ME2: variants seen among roughly 807,000 people sequenced by gnomAD.
ME2 encodes the protein NAD-dependent malic enzyme, mitochondrial.
Under a neutral mutation model 73.7 loss-of-function variants are expected in ME2, and 60 were observed. The ratio of observed to expected loss-of-function variants is 0.81; its 90% CI spans 0.66 to 1.01. ME2 has a LOEUF of 1.01. Ranked by LOEUF, ME2 falls within the 50% of genes least tolerant of loss-of-function variation. The pLI is 0.00. For synonymous variants in ME2, 199 were observed against 236.9 expected (o/e 0.84, Z 1.47); for missense variants, 594 against 705.5 (o/e 0.84, Z 1.79).
chr18:50,930,905 T>C (rs922079331), intron 12 of ME2, among the ~76,000 whole-genome samples: 2 of 152,244 alleles, frequency 1.3e-5, no homozygotes, highest in African/African-American at 4.8e-5. Flanking sequence ...TAGAAAATGA[T>C]ATAACAATAT....
At chr18:50,946,115 T>TAAATAAAC (rs1451746330) in intron 15 of ME2, among the ~76,000 whole-genome samples, 1 of 150,636 alleles carries the variant, frequency 6.6e-6, no homozygotes, top group Non-Finnish European at 1.5e-5. Flanking sequence ...CCATCTTAAA[T>TAAATAAAC]AAATAAATAA....
At chr18:50,921,624 T>A (rs1917432034) in intron 10 of ME2, among the ~76,000 whole-genome samples, 1 of 152,216 alleles carries the variant, frequency 6.6e-6, no homozygotes, top group Non-Finnish European at 1.5e-5. Context: ...TCACCCAGGC[T>A]GGAGTGCAGT....
chr18:50,910,921 A>C (rs756211827), intron 3 of ME2, among the ~76,000 whole-genome samples: 2 of 152,220 alleles, frequency 1.3e-5, no homozygotes, highest in Non-Finnish European at 2.9e-5. Flanking sequence ...AAAATGAAGC[A>C]GTCAAAGAGC....
At chr18:50,897,813 C>T (rs1001591776) in intron 2 of ME2, among the ~76,000 whole-genome samples, 10 of 151,576 alleles carry the variant, frequency 6.6e-5, no homozygotes, top group African/African-American at 1.7e-4. Context: ...GAGCCGAGAT[C>T]GTGCCATTGC....
intron 1 of ME2, among the ~76,000 whole-genome samples, chr18:50,890,064 A>G (rs777635312): frequency 1.3e-5 from 2 of 152,190 alleles, no homozygotes; most frequent in Non-Finnish European, 2.9e-5. Flanking sequence ...AAGAGATTTC[A>G]AAAATCAAGA....
intron 9 of ME2, 97 bp downstream of exon 9, chr18:50,920,855 C>A: frequency 1.1e-6 from 1 of 951,846 alleles, no homozygotes; most frequent in Non-Finnish European, 1.6e-6. Flanking sequence ...CATAGTGAGC[C>A]TGTAATTTTG....
Position 50,948,018 on chromosome 18 carries a change from C to T in ME2, c.*834C>T, listed in dbSNP as rs778852434. 2.0e-5 allele frequency: 3 copies of T among 152,286 alleles called. No individual in the cohort carries two copies. The highest frequency in any genetic ancestry group is 4.1e-4 in the South Asian group (2 of 4,828). The allele number at this position is 152,286 out of a possible 1,614,324, so 9.4% of individuals were successfully genotyped here. A position where few individuals can be genotyped will look rare whatever the true frequency, so the allele number is the denominator to read the frequency against. Reference sequence around the variant, plus strand: ...GATACCTAATCATATGGGAACATCACGTGACTTTTTAAATCTAAATTAGTC... The same window carrying T: ...GATACCTAATCATATGGGAACATCATGTGACTTTTTAAATCTAAATTAGTC... On this transcript the variant is annotated 3_prime_UTR_variant, in exon 16 of 16. Transcript: ENST00000321341.
At chr18:50,881,019 A>G (rs1470809248) in intron 1 of ME2, among the ~76,000 whole-genome samples, 1 of 150,118 alleles carries the variant, frequency 6.7e-6, no homozygotes, top group Non-Finnish European at 1.5e-5. Context: ...TGAATTTCAG[A>G]CAAACTAGAC....
rs370748102 is a variant in ME2 at position 50,908,154 on chromosome 18, G to A, written c.200G>A (p.Arg67Gln). ...GAGACACAAGATATTCAAGCCTTAC[G>A]ATTTCATAGAAACTTGAAGAAAATG... ...KIETQDIQAL[R>Q]FHRNLKKMTS... Residue 67 changes from arginine (R) to glutamine (Q), a missense_variant, in exon 3 of 16, where the codon CGA (arginine) becomes CAA (glutamine). Arg to Gln is a conservative substitution (Grantham distance 43). Transcript: ENST00000321341. 3.1e-6 allele frequency: 5 copies of A among 1,604,660 alleles called. No individual in the cohort carries two copies. The highest frequency in any genetic ancestry group is 3.4e-6 in the Non-Finnish European group (4 of 1,176,394).
At position 50,920,718 on chromosome 18, in the gene ME2, C is replaced by T. The variant is rs1917405924; in HGVS notation, c.902C>T (p.Pro301Leu). The part of the protein sequence containing the change: ...LLAAQKVISK[P>L]ISEHKILFLG... Reference sequence around the variant, plus strand: ...GCAGCACAAAAAGTTATTAGTAAACCAATCTCCGAACACAAAATCTTATTC... The same window carrying T: ...GCAGCACAAAAAGTTATTAGTAAACTAATCTCCGAACACAAAATCTTATTC... Residue 301 changes from proline (P) to leucine (L), a missense_variant, in exon 9 of 16, where the codon CCA (proline) becomes CTA (leucine). By Grantham distance (98) the Pro-to-Leu change is moderately conservative. Transcript: ENST00000321341. The T allele has an allele frequency of 6.2e-7, 1 of 1,611,944 alleles. No homozygotes were observed. Among genetic ancestry groups the T allele is most frequent in the Non-Finnish European group, 8.5e-7 (1 of 1,179,780 alleles).
intron 2 of ME2, among the ~76,000 whole-genome samples, chr18:50,904,395 C>T (rs1336629204): frequency 6.6e-6 from 1 of 151,726 alleles, no homozygotes; most frequent in African/African-American, 2.4e-5. Context: ...TCTCCTGCCT[C>T]AGCTTCCCAA....
At chr18:50,920,848 A>T (rs1288582725) in intron 9 of ME2, 90 bp downstream of exon 9, 1 of 987,278 alleles carries the variant, frequency 1.0e-6, no homozygotes, top group Non-Finnish European at 1.5e-6. Flanking sequence ...GAAAGAGCAT[A>T]GTGAGCCTGT....
At chr18:50,917,277 C>CT (rs1313807548) in intron 5 of ME2, 70 bp from the exon 6 acceptor site, 24 of 1,261,932 alleles carry the variant, frequency 1.9e-5, no homozygotes, top group Non-Finnish European at 2.6e-5. Flanking sequence ...GTGAATCAAT[C>CT]TTTTAAAAAA....
intron 7 of ME2, 77 bp from the exon 8 acceptor site, chr18:50,920,379 T>G: frequency 1.0e-6 from 1 of 996,816 alleles, no homozygotes; most frequent in Non-Finnish European, 1.5e-6. Context: ...TTGAATGCTA[T>G]CATAGGGAAT....
intron 2 of ME2, 59 bp downstream of exon 2, chr18:50,895,987 T>G (rs1916734584): frequency 1.7e-5 from 19 of 1,120,364 alleles, no homozygotes; most frequent in Non-Finnish European, 2.6e-5. Flanking sequence ...TTGATATATT[T>G]AAGACTGATA....
intron 3 of ME2, among the ~76,000 whole-genome samples, chr18:50,909,101 G>A (rs1917087774): frequency 6.6e-6 from 1 of 151,790 alleles, no homozygotes; most frequent in East Asian, 1.9e-4. Context: ...TTACAGGAGT[G>A]CACCACCACA....
chr18:50,893,289 T>G (rs1446469972), intron 1 of ME2, among the ~76,000 whole-genome samples: 1 of 152,142 alleles, frequency 6.6e-6, no homozygotes, highest in Admixed American at 6.6e-5. Flanking sequence ...TAGCATAAAT[T>G]AATTTCTAAA....
intron 1 of ME2, among the ~76,000 whole-genome samples, chr18:50,890,980 G>C (rs1023225096): frequency 6.6e-6 from 1 of 152,108 alleles, no homozygotes; most frequent in African/African-American, 2.4e-5. Flanking sequence ...GAAGATAAAC[G>C]TATGTACCTG....
chr18:50,889,818 C>T (rs1012923782), intron 1 of ME2, among the ~76,000 whole-genome samples: 1 of 152,156 alleles, frequency 6.6e-6, no homozygotes, highest in Admixed American at 6.5e-5. Flanking sequence ...CAATGCTTCC[C>T]ATATAATTTA....
Sources: gnomAD v4.1 joint callset for allele counts (sites outside exome capture counted in the v4.1 genomes callset) on GRCh38, gnomAD v4.1.1 for gene constraint, MANE v1.5 for transcripts, NCBI Gene and HGNC (gene_info 2026-07-23, HGNC 2026-07-21) for gene names.